The following SHANK2 variants were observed in gnomAD, a reference collection of about 807,000 sequenced individuals.
SHANK2 encodes SH3 and multiple ankyrin repeat domains 2.
In SHANK2, 43 loss-of-function variants were observed where a neutral mutation model predicts 133.7. The ratio of observed to expected loss-of-function variants is 0.32; its 90% confidence interval spans 0.25 to 0.41. SHANK2 has a LOEUF of 0.41. Ranked by LOEUF, SHANK2 falls within the 10% of genes least tolerant of loss-of-function variation. The pLI, the probability that SHANK2 is intolerant of heterozygous loss-of-function variation, is 1.00. For synonymous variants in SHANK2, 1,017 were observed against 952.8 expected, an observed-to-expected ratio of 1.07 and a Z score of -1.24; for missense variants, 1,994 against 2,235.8, an observed-to-expected ratio of 0.89 and a Z score of 2.18.
At chr11:70,613,199 G>GTTTTTAT (rs1422621537) in intron 17 of SHANK2, among the ~76,000 whole-genome samples, 1 of 152,022 alleles carries the variant, frequency 6.6e-6, no homozygotes, top group Non-Finnish European at 1.5e-5. Flanking sequence ...TTTTTTTCAT[G>GTTTTTAT]TTTTTCTTTT....
chr11:70,847,834 C>T (rs1478701488), intron 11 of SHANK2, among the ~76,000 whole-genome samples: 2 of 152,216 alleles, frequency 1.3e-5, no homozygotes, highest in Admixed American at 1.3e-4. Context: ...CCAGGGCCTG[C>T]CCAGCAAGGC....
intron 3 of SHANK2, among the ~76,000 whole-genome samples, chr11:71,139,100 A>G (rs1356967944): frequency 9.9e-5 from 15 of 152,178 alleles, no homozygotes; most frequent in African/African-American, 3.6e-4. Context: ...CACGTGCTTT[A>G]TAAATGGAAG....
At chr11:70,612,965 G>T (rs1554994774) in intron 17 of SHANK2, among the ~76,000 whole-genome samples, 6 of 152,082 alleles carry the variant, frequency 3.9e-5, no homozygotes, top group African/African-American at 1.4e-4. Context: ...GCAACTCACG[G>T]CATCCGGATC....
intron 17 of SHANK2, among the ~76,000 whole-genome samples, chr11:70,644,615 G>T (rs1555007599): frequency 6.6e-6 from 1 of 152,226 alleles, no homozygotes; most frequent in African/African-American, 2.4e-5. Context: ...GCAAGAGGGA[G>T]GTTGATCTTG....
At position 71,252,513 on chromosome 11, in the gene SHANK2, G is replaced by C. The variant is rs1308396580; in HGVS notation, c.-201C>G. The C allele has an allele frequency of 2.6e-5, 4 of 150,976 alleles. No homozygotes were observed. The highest frequency in any genetic ancestry group is 9.7e-5 in the African/African-American group (4 of 41,310). 9.4% of individuals were successfully genotyped at this position (150,976 alleles called of 1,614,324 possible). ...GATCGGCCGCGGGAACCCGAGCGGC[G>C]CCGCGCCCAGCCCCGCCGGAGCTCA... On this transcript the variant is annotated 5_prime_UTR_variant, in exon 1 of 26. Coordinates refer to ENST00000601538, the MANE Select transcript of SHANK2 (RefSeq NM_012309.5). The surrounding 1 kb of genome is among the most constrained non-coding windows in gnomAD (Gnocchi z 6.3).
intron 2 of SHANK2, among the ~76,000 whole-genome samples, chr11:71,160,029 C>T (rs2135460465): frequency 6.6e-6 from 1 of 151,512 alleles, no homozygotes; most frequent in African/African-American, 2.4e-5. Context: ...GGACAGAGCG[C>T]TGTGGAAAAT....
chr11:70,918,826 G>T (rs1184557786), intron 10 of SHANK2, among the ~76,000 whole-genome samples: 9 of 152,086 alleles, frequency 5.9e-5, no homozygotes. Flanking sequence ...TTTTTAAGTT[G>T]ACAAATAAAA....
rs200950412 is a variant in SHANK2 at position 70,644,442 on chromosome 11, A to G, written c.2061+15386T>C. 2.0e-5 allele frequency among the ~76,000 whole-genome samples: 3 copies of G among 152,182 alleles called. No individual in the cohort carries two copies. The East Asian group carries it at 5.8e-4, about 29-fold the overall frequency. On this transcript the variant is annotated intron_variant, in intron 17 of 25. Coordinates refer to ENST00000601538, the MANE Select transcript of SHANK2 (RefSeq NM_012309.5). ...GAATCATACAGTTCAAAGGAAGAGA[A>G]TGTTGTATTTGGCCACTCCTGGCAT...
At chr11:70,568,523 T>C (rs2059997026) in intron 17 of SHANK2, among the ~76,000 whole-genome samples, 1 of 152,028 alleles carries the variant, frequency 6.6e-6, no homozygotes. Flanking sequence ...AACTTATTCT[T>C]GGTGGAGCCT....
At chr11:70,847,549 A>C (rs1350699730) in intron 11 of SHANK2, among the ~76,000 whole-genome samples, 5 of 152,196 alleles carry the variant, frequency 3.3e-5, no homozygotes, top group Non-Finnish European at 2.9e-5. Flanking sequence ...ATTTTAAATT[A>C]ATTTAAAATT....
chr11:70,797,886 A>T (rs899921570), intron 14 of SHANK2, among the ~76,000 whole-genome samples: 1 of 150,884 alleles, frequency 6.6e-6, no homozygotes, highest in African/African-American at 2.5e-5. Context: ...ACCATTTTAT[A>T]TAAGTGGTCT....
At chr11:71,248,410 G>A (rs1249025787) in intron 1 of SHANK2, among the ~76,000 whole-genome samples, 4 of 152,206 alleles carry the variant, frequency 2.6e-5, no homozygotes, top group Non-Finnish European at 4.4e-5. Flanking sequence ...TTCTCCAGCT[G>A]GGCAGCGTGC....
intron 8 of SHANK2, among the ~76,000 whole-genome samples, chr11:71,076,330 AAGGGG>A (rs1951219176): frequency 3.3e-5 from 5 of 152,174 alleles, no homozygotes; most frequent in African/African-American, 9.7e-5. Flanking sequence ...GTAGCCCAGG[AAGGGG>A]TTCTCATGAA....
intron 10 of SHANK2, among the ~76,000 whole-genome samples, chr11:70,932,130 A>C (rs1343614901): frequency 6.6e-6 from 1 of 152,188 alleles, no homozygotes; most frequent in Non-Finnish European, 1.5e-5. Flanking sequence ...AGAAAAGAAA[A>C]CATTTTGTAG....
intron 6 of SHANK2, among the ~76,000 whole-genome samples, chr11:71,103,359 C>A (rs1461554108): frequency 1.3e-5 from 2 of 152,168 alleles, no homozygotes; most frequent in Non-Finnish European, 2.9e-5. Flanking sequence ...GGGTGGGTAA[C>A]AGTGCCAGTC....
chr11:70,526,929 G>C (rs927634939), intron 17 of SHANK2, among the ~76,000 whole-genome samples: 1 of 149,094 alleles, frequency 6.7e-6, no homozygotes. Flanking sequence ...ACCACCCTGG[G>C]AGCATCCCTG....
At chr11:70,767,537 C>T (rs1404887832) in intron 14 of SHANK2, among the ~76,000 whole-genome samples, 2 of 152,100 alleles carry the variant, frequency 1.3e-5, no homozygotes, top group African/African-American at 2.4e-5. Flanking sequence ...AAAGGAGCGA[C>T]GTACCACCAC....
At chr11:71,143,492 A>G (rs1318973847) in intron 3 of SHANK2, among the ~76,000 whole-genome samples, 1 of 152,200 alleles carries the variant, frequency 6.6e-6, no homozygotes, top group Non-Finnish European at 1.5e-5. Flanking sequence ...TTCTTGTCTC[A>G]GCTCTCATCT....
chr11:70,702,076 A>T (rs1945535678), intron 14 of SHANK2, among the ~76,000 whole-genome samples: 1 of 150,980 alleles, frequency 6.6e-6, no homozygotes, highest in Admixed American at 6.6e-5. Flanking sequence ...TACCAACATC[A>T]TCACCGCCAT....
Sources: gnomAD v4.1 joint callset for allele counts (sites outside exome capture counted in the v4.1 genomes callset) on GRCh38, gnomAD v4.1.1 for gene constraint, Gnocchi (gnomAD v3.1) non-coding constraint, MANE v1.5 for transcripts, NCBI Gene and HGNC (gene_info 2026-07-23, HGNC 2026-07-21) for gene names.